ADAMTSL1: variants seen among roughly 807,000 people sequenced by gnomAD.
ADAMTSL1 encodes ADAMTS-like protein 1.
In ADAMTSL1, 126 loss-of-function variants were observed where a neutral mutation model predicts 201.8. That is an observed-to-expected ratio of 0.62 (90% CI 0.54 to 0.72). ADAMTSL1 has a LOEUF of 0.72. Ranked by LOEUF, ADAMTSL1 falls within the 30% of genes least tolerant of loss-of-function variation. The pLI, the probability that ADAMTSL1 is intolerant of heterozygous loss-of-function variation, is 0.00. For missense variants in ADAMTSL1, 2,679 were observed against 2,277.8 expected, an observed-to-expected ratio of 1.18 and a Z score of -3.59; for synonymous variants, 1,121 against 903.4, an observed-to-expected ratio of 1.24 and a Z score of -4.32.
chr9:18,018,310 ACT>A (rs1820341282), intron 1 of ADAMTSL1, among the ~76,000 whole-genome samples: 1 of 152,040 alleles, frequency 6.6e-6, no homozygotes, highest in Admixed American at 6.6e-5. Flanking sequence ...CTTCATACAG[ACT>A]CTGAGACAGT....
chr9:18,074,141 T>G (rs1321672620), intron 1 of ADAMTSL1, among the ~76,000 whole-genome samples: 1 of 152,180 alleles, frequency 6.6e-6, no homozygotes, highest in Non-Finnish European at 1.5e-5. Context: ...TGCCCCTGTG[T>G]TCTGGTGCAG....
chr9:18,657,419 C>CAA (rs1403099768), intron 7 of ADAMTSL1, among the ~76,000 whole-genome samples: 1 of 152,168 alleles, frequency 6.6e-6, no homozygotes, highest in Non-Finnish European at 1.5e-5. Flanking sequence ...TGCTCTGTGG[C>CAA]AACAGAACTC....
chr9:17,959,242 T>C (rs1817625849), intron 1 of ADAMTSL1, among the ~76,000 whole-genome samples: 1 of 152,142 alleles, frequency 6.6e-6, no homozygotes, highest in Non-Finnish European at 1.5e-5. Context: ...TGTTATTTGA[T>C]TAATGTCATT....
chr9:18,705,643 A>T (rs1394437342), intron 13 of ADAMTSL1, among the ~76,000 whole-genome samples: 1 of 152,230 alleles, frequency 6.6e-6, no homozygotes, highest in Non-Finnish European at 1.5e-5. Flanking sequence ...ATGATATAAA[A>T]AGAATTGGAG....
intron 1 of ADAMTSL1, among the ~76,000 whole-genome samples, chr9:18,099,326 AATATATATATAT>A (rs71333027): frequency 1.7e-5 from 1 of 57,602 alleles, no homozygotes; most frequent in African/African-American, 8.1e-5. Context: ...GCAAATGGAA[AATATATATATAT>A]ATATATATAT....
chr9:18,603,428 A>T (rs1164845858), intron 4 of ADAMTSL1, among the ~76,000 whole-genome samples: 2 of 151,884 alleles, frequency 1.3e-5, no homozygotes, highest in Non-Finnish European at 2.9e-5. Flanking sequence ...ATACTGTGCT[A>T]TACTGTACTA....
chr9:18,453,087 G>T (rs2153413), intron 2 of ADAMTSL1, among the ~76,000 whole-genome samples: 2 of 151,834 alleles, frequency 1.3e-5, no homozygotes, highest in Non-Finnish European at 1.5e-5. Context: ...AGCCATGCCC[G>T]CACAGCTCTT....
chr9:18,799,760 A>G (rs1171673038), intron 20 of ADAMTSL1, among the ~76,000 whole-genome samples: 1 of 152,142 alleles, frequency 6.6e-6, no homozygotes, highest in Non-Finnish European at 1.5e-5. Context: ...TTTGCTCTTT[A>G]TGAGTTGAAT....
chr9:18,130,581 T>A (rs1371549316), intron 1 of ADAMTSL1, among the ~76,000 whole-genome samples: 1 of 152,158 alleles, frequency 6.6e-6, no homozygotes, highest in African/African-American at 2.4e-5. Flanking sequence ...TCATAATTTA[T>A]CTTTACAGAG....
chr9:18,780,029 T>TC (rs1821294125), intron 19 of ADAMTSL1, among the ~76,000 whole-genome samples: 1 of 152,096 alleles, frequency 6.6e-6, no homozygotes, highest in Non-Finnish European at 1.5e-5. Flanking sequence ...TGGGAAGGGG[T>TC]CATCAGGACT....
chr9:18,306,613 T>C (rs906356375), intron 2 of ADAMTSL1, among the ~76,000 whole-genome samples: 5 of 152,010 alleles, frequency 3.3e-5, no homozygotes, highest in African/African-American at 1.2e-4. Context: ...ATCAACTTGA[T>C]GAAATAGACC....
chr9:18,680,348 G>C lies in ADAMTSL1; in HGVS notation c.1173G>C (p.Ser391=). 3 of 1,614,148 alleles carry C rather than the reference G, an allele frequency of 1.9e-6. No homozygotes were observed. The highest frequency in any genetic ancestry group is 2.5e-6 in the Non-Finnish European group (3 of 1,180,022). The change falls in exon 11 of 29, where the codon TCG becomes TCC. Residue 391 remains serine, a synonymous_variant. Coordinates refer to ENST00000380548, the MANE Select transcript of ADAMTSL1 (RefSeq NM_001040272.6). ...EATPWTACSS[S]CGGGIQSRAV... is the part of the protein sequence containing the mutation. The stretch of plus-strand genomic sequence containing the variant: ...CCCCATGGACCGCGTGCTCCTCCTC[G>C]TGTGGGGGGGGCATCCAGAGCCGGG...
chr9:18,046,894 GTCCA>G lies in ADAMTSL1; in HGVS notation c.88-116967_88-116964del, dbSNP rs1460172456. ...TCTCTGATTCCTGGAGGTCTCTGAA[GTCCA>G]AGATAAAGAGACTGAATTTTCTTCT... is the stretch of plus-strand genomic sequence containing the variant. On this transcript the variant is annotated intron_variant, in intron 1 of 29. Coordinates refer to the ADAMTSL1 transcript ENST00000680146. Among the ~76,000 whole-genome samples the G allele has an allele frequency of 8.7e-4, 132 of 152,214 alleles. 1 individual carries two copies. Among genetic ancestry groups the G allele is most frequent in the African/African-American group, 3.0e-3 (123 of 41,550 alleles).
At chr9:18,530,607 T>G (rs1056784394) in intron 2 of ADAMTSL1, among the ~76,000 whole-genome samples, 1 of 152,166 alleles carries the variant, frequency 6.6e-6, no homozygotes, top group African/African-American at 2.4e-5. Flanking sequence ...TCTATGCCTT[T>G]GCTTAGTTTC....
chr9:18,267,936 G>T lies in ADAMTSL1; in HGVS notation c.207+103955G>T, dbSNP rs534566237. On this transcript the variant is annotated intron_variant, in intron 2 of 29. Coordinates refer to the ADAMTSL1 transcript ENST00000680146. ...ATTTCTCATAATCTCACAATATACA[G>T]ATTTCTCATAATCTCAGAATTTCTC... 2.6e-5 allele frequency among the ~76,000 whole-genome samples: 4 copies of T among 152,034 alleles called. No homozygotes were observed. The East Asian group carries it at 7.7e-4, about 29-fold the overall frequency.
At chr9:18,648,488 G>A (rs144870794) in intron 7 of ADAMTSL1, among the ~76,000 whole-genome samples, 13,107 of 152,002 alleles carry the variant, frequency 0.086, 693 homozygotes, top group Admixed American at 0.13. Flanking sequence ...AGTCTTGATG[G>A]TCTTTACATT....
intron 1 of ADAMTSL1, among the ~76,000 whole-genome samples, chr9:18,086,474 G>T (rs919056922): frequency 6.6e-6 from 1 of 151,690 alleles, no homozygotes; most frequent in South Asian, 2.1e-4. Context: ...TCCTAAATCT[G>T]CTTTAAAGTT....
At chr9:18,050,342 T>TTA (rs1388186780) in intron 1 of ADAMTSL1, among the ~76,000 whole-genome samples, 1 of 152,196 alleles carries the variant, frequency 6.6e-6, no homozygotes, top group East Asian at 1.9e-4. Flanking sequence ...CTTGAGTTTT[T>TTA]TATATATCTA....
chr9:18,503,168 C>G (rs968054029), intron 1 of ADAMTSL1, among the ~76,000 whole-genome samples: 1 of 151,706 alleles, frequency 6.6e-6, no homozygotes, highest in Non-Finnish European at 1.5e-5. Flanking sequence ...TTCATCTTCC[C>G]TAACTGAAAT....
Sources: allele counts gnomAD v4.1 joint callset (sites outside exome capture counted in the v4.1 genomes callset), GRCh38; gene constraint gnomAD v4.1.1; transcripts MANE v1.5; gene names NCBI Gene and HGNC (gene_info 2026-07-23, HGNC 2026-07-21).